The following VPS8 variants were observed in gnomAD, a reference collection of about 807,000 sequenced individuals.
VPS8 encodes the protein vacuolar protein sorting-associated protein 8 homolog.
VPS8 carries 129 observed loss-of-function variants against 216.4 expected under a neutral mutation model. That is an observed-to-expected ratio of 0.60 (90% CI 0.52 to 0.69). The LOEUF (loss-of-function observed/expected upper bound fraction) is 0.69. Among genes scored for constraint, VPS8 ranks in the 30% least tolerant of loss-of-function variants. The pLI is 0.00. For synonymous variants in VPS8, 571 were observed against 565.4 expected (o/e 1.01, Z -0.14); for missense variants, 1,531 against 1,683.5 (o/e 0.91, Z 1.59).
intron 3 of VPS8, among the ~76,000 whole-genome samples, chr3:184,827,885 T>C (rs535567625): frequency 2.0e-5 from 3 of 152,268 alleles, no homozygotes; most frequent in Admixed American, 6.5e-5. Context: ...GGCCAGACTT[T>C]ACACCTCCAG....
chr3:185,032,464 G>A (rs1758307244), intron 46 of VPS8, among the ~76,000 whole-genome samples: 1 of 152,140 alleles, frequency 6.6e-6, no homozygotes, highest in South Asian at 2.1e-4. Flanking sequence ...AGTGGGTGGA[G>A]GGAATGGACA....
At chr3:184,862,119 A>G (rs1300373198) in intron 15 of VPS8, among the ~76,000 whole-genome samples, 1 of 152,168 alleles carries the variant, frequency 6.6e-6, no homozygotes, top group Non-Finnish European at 1.5e-5. Context: ...AGAACATACA[A>G]ATACACCAGC....
rs1464318582 is a variant in VPS8, at chr3:184,982,658, C to T, written c.3502+11C>T. 1.2e-6 allele frequency: 2 copies of T among 1,603,742 alleles called. No individual in the cohort carries two copies. Among genetic ancestry groups the T allele is most frequent in the African/African-American group, 2.7e-5 (2 of 74,684 alleles). ...ATCTACACTCTGAAGGTAAGTTCTTCAGAATTCAAGTGACTGAGTCCACCT... is the reference window on the plus strand; with the variant it reads ...ATCTACACTCTGAAGGTAAGTTCTTTAGAATTCAAGTGACTGAGTCCACCT... On this transcript the variant is annotated intron_variant, in intron 41 of 47. Coordinates refer to ENST00000625842, the MANE Select transcript of VPS8 (RefSeq NM_001009921.3).
At chr3:184,948,949 C>T (rs562487484) in intron 36 of VPS8, among the ~76,000 whole-genome samples, 8 of 152,188 alleles carry the variant, frequency 5.3e-5, no homozygotes, top group South Asian at 4.1e-4. Context: ...TTCCTTCCTA[C>T]GTAGGAGAAC....
rs185466058 is a variant in VPS8, at chr3:184,954,555, G to A, written c.3036-2819G>A. Among the ~76,000 whole-genome samples, 171 of 152,302 alleles carry A rather than the reference G, an allele frequency of 1.1e-3. 2 individuals carry two copies. The highest frequency in any genetic ancestry group is 4.0e-3 in the African/African-American group (165 of 41,576). On this transcript the variant is annotated intron_variant, in intron 36 of 47. Coordinates refer to ENST00000625842, the MANE Select transcript of VPS8 (RefSeq NM_001009921.3). ...GGAAAGCTTAAGGATTTTAGGAGCT[G>A]TGTGCTTATTATATCACAATATTAT... is the stretch of plus-strand genomic sequence containing the variant.
intron 16 of VPS8, among the ~76,000 whole-genome samples, chr3:184,865,148 T>G (rs1727098681): frequency 6.6e-6 from 1 of 152,100 alleles, no homozygotes; most frequent in Admixed American, 6.5e-5. Flanking sequence ...GAAAATAATT[T>G]TAAGAAATAG....
chr3:184,828,243 G>A (rs1471086103), intron 3 of VPS8, among the ~76,000 whole-genome samples: 3 of 152,064 alleles, frequency 2.0e-5, no homozygotes, highest in East Asian at 3.9e-4. Flanking sequence ...AGGCTCAAGC[G>A]ATTCTCGTGC....
intron 47 of VPS8, among the ~76,000 whole-genome samples, chr3:185,051,330 AG>A (rs2108562840): frequency 6.6e-6 from 1 of 152,258 alleles, no homozygotes; most frequent in South Asian, 2.1e-4. Flanking sequence ...GGTAGAATCC[AG>A]GGGTTCCACT....
intron 46 of VPS8, among the ~76,000 whole-genome samples, chr3:185,026,415 T>C (rs1392518168): frequency 2.5e-4 from 38 of 149,636 alleles, no homozygotes; most frequent in East Asian, 7.8e-4. Flanking sequence ...TATTTCTTTT[T>C]TTTTTTTTTT....
At chr3:184,954,052 G>A (rs527564789) in intron 36 of VPS8, among the ~76,000 whole-genome samples, 5 of 152,230 alleles carry the variant, frequency 3.3e-5, no homozygotes, top group African/African-American at 1.2e-4. Flanking sequence ...ACCCTCCTCC[G>A]CAGGTTCCAT....
chr3:184,828,286 CCCA>C (rs1275742446), intron 3 of VPS8, among the ~76,000 whole-genome samples: 1 of 152,016 alleles, frequency 6.6e-6, no homozygotes, highest in African/African-American at 2.4e-5. Context: ...ATTACAGGTG[CCCA>C]CCACCACGCC....
chr3:184,824,453 A>C, intron 1 of VPS8, 92 bp from the exon 2 acceptor site: 1 of 646,240 alleles, frequency 1.5e-6, no homozygotes, highest in Non-Finnish European at 2.6e-6. Context: ...GTGAAATCTG[A>C]CCAAGTAAGT....
Position 184,864,969 on chromosome 3 carries a change from C to T in VPS8, c.1395+1902C>T, listed in dbSNP as rs189743232. 4.7e-3 allele frequency among the ~76,000 whole-genome samples: 710 copies of T among 152,148 alleles called. 22 individuals are homozygous for T. The highest frequency in any genetic ancestry group is 1.2e-3 in the Non-Finnish European group (80 of 68,012). On this transcript the variant is annotated intron_variant, in intron 16 of 47. Coordinates refer to ENST00000625842, the MANE Select transcript of VPS8 (RefSeq NM_001009921.3). ...TTTAGTTAAAAAAGTTAAGTAGAGA[C>T]ATGGAAGATATTTGAAAAGATGCAC... is the stretch of plus-strand genomic sequence containing the variant.
chr3:184,959,260 T>A (rs1262143031), intron 37 of VPS8, among the ~76,000 whole-genome samples: 2 of 152,188 alleles, frequency 1.3e-5, no homozygotes. Flanking sequence ...TCCTTAAAGT[T>A]AAGCTTAGTT....
intron 35 of VPS8, 103 bp from the exon 36 acceptor site, chr3:184,940,094 A>G (rs1385183082): frequency 1.6e-5 from 7 of 431,610 alleles, no homozygotes; most frequent in Non-Finnish European, 7.9e-6. Flanking sequence ...AAATACTCAG[A>G]TATCTGTGCA....
intron 24 of VPS8, among the ~76,000 whole-genome samples, chr3:184,899,044 A>G (rs925516407): frequency 3.9e-5 from 6 of 152,170 alleles, no homozygotes; most frequent in Non-Finnish European, 8.8e-5. Flanking sequence ...TGCTATTTGT[A>G]GATATATTCT....
intron 26 of VPS8, among the ~76,000 whole-genome samples, chr3:184,914,603 C>T (rs1273671136): frequency 6.6e-6 from 1 of 152,168 alleles, no homozygotes; most frequent in Non-Finnish European, 1.5e-5. Flanking sequence ...TCTGAGAACG[C>T]CAGGCTTTTA....
intron 14 of VPS8, among the ~76,000 whole-genome samples, chr3:184,856,254 C>A (rs1473214769): frequency 2.6e-5 from 4 of 152,134 alleles, no homozygotes; most frequent in African/African-American, 9.7e-5. Flanking sequence ...GTTTGAAAAG[C>A]AAAATCAGTG....
chr3:184,919,334 A>G (rs1262410699), intron 28 of VPS8, among the ~76,000 whole-genome samples: 3 of 152,242 alleles, frequency 2.0e-5, no homozygotes, highest in African/African-American at 4.8e-5. Flanking sequence ...CAAATGAACT[A>G]AGTGAAAACC....
Sources: gnomAD v4.1 joint callset for allele counts (sites outside exome capture counted in the v4.1 genomes callset) on GRCh38, gnomAD v4.1.1 for gene constraint, MANE v1.5 for transcripts, NCBI Gene and HGNC (gene_info 2026-07-23, HGNC 2026-07-21) for gene names.